The following FUT8 variants were observed in gnomAD, a reference collection of about 807,000 sequenced individuals.
FUT8 encodes the protein fucosyltransferase 8.
A neutral mutation model predicts 71.3 loss-of-function variants in FUT8; 29 were observed. The ratio of observed to expected loss-of-function variants is 0.41; its 90% CI spans 0.30 to 0.55. The LOEUF (loss-of-function observed/expected upper bound fraction) is 0.55. Among genes scored for constraint, FUT8 ranks in the 20% least tolerant of loss-of-function variants. The pLI is 0.34. For missense variants in FUT8, 544 were observed against 702.1 expected (o/e 0.77, Z 2.55); for synonymous variants, 254 against 239.3 (o/e 1.06, Z -0.57).
chr14:65,402,332 C>A, the FUT8 span, among the ~76,000 whole-genome samples: 5 of 149,818 alleles, frequency 3.3e-5, no homozygotes, highest in African/African-American at 1.2e-4. Context: ...TACAAAGTAG[C>A]TAGGACCACA....
At chr14:65,477,652 T>G (rs2066266330) in intron 2 of FUT8, among the ~76,000 whole-genome samples, 1 of 152,142 alleles carries the variant, frequency 6.6e-6, no homozygotes, top group African/African-American at 2.4e-5. Flanking sequence ...TGTTAAACAG[T>G]AGTACAGAGG....
At chr14:65,539,112 G>A (rs1190062379) in intron 2 of FUT8, among the ~76,000 whole-genome samples, 1 of 152,146 alleles carries the variant, frequency 6.6e-6, no homozygotes, top group Non-Finnish European at 1.5e-5. Flanking sequence ...TCGATACATG[G>A]TAGTCACTAC....
intron 3 of FUT8, among the ~76,000 whole-genome samples, chr14:65,580,098 A>G (rs6573616): frequency 0.69 from 102,177 of 147,508 alleles, 35,728 homozygotes; most frequent in East Asian, 0.89. Flanking sequence ...ATAGTCATGC[A>G]TTGCTTAAGG....
chr14:65,636,078 T>G (rs1463731323), intron 6 of FUT8, among the ~76,000 whole-genome samples: 1 of 152,130 alleles, frequency 6.6e-6, no homozygotes. Flanking sequence ...AGGGTTGTAT[T>G]TTTCCAGGAA....
At chr14:65,513,707 T>C (rs1882516027) in intron 2 of FUT8, among the ~76,000 whole-genome samples, 1 of 151,272 alleles carries the variant, frequency 6.6e-6, no homozygotes, top group Non-Finnish European at 1.5e-5. Flanking sequence ...CCATGAGATC[T>C]GTGGAGGAAG....
In FUT8 at chr14:65,643,676, A is replaced by G; in HGVS notation, c.597+14070A>G. Among the ~76,000 whole-genome samples, 1 of 78,532 alleles carries G rather than the reference A, an allele frequency of 1.3e-5. No homozygotes were observed. The highest frequency in any genetic ancestry group is 1.4e-4 in the Admixed American group (1 of 7,328). 51.5% of individuals were successfully genotyped at this position (78,532 alleles called of 152,430 possible). On this transcript the variant is annotated intron_variant, in intron 6 of 10. Transcript: ENST00000673929. This position sits in a 1 kb window ranked among gnomAD's most constrained non-coding sequence, Gnocchi z 4.5. ...CTTTAAAAAAAAAATACACACACAC[A>G]CACACACACACACACACACACACAC...
chr14:65,685,418 C>T (rs568278748), intron 7 of FUT8, among the ~76,000 whole-genome samples: 1 of 152,266 alleles, frequency 6.6e-6, no homozygotes, highest in South Asian at 2.1e-4. Flanking sequence ...AATTTTCCTT[C>T]ACTTTGGACA....
intron 1 of FUT8, among the ~76,000 whole-genome samples, chr14:65,421,369 G>C (rs1332772699): frequency 2.6e-5 from 4 of 152,142 alleles, no homozygotes; most frequent in Non-Finnish European, 5.9e-5. Context: ...GAGGTGGAAG[G>C]GGGAAGGGGA....
the FUT8 span, among the ~76,000 whole-genome samples, chr14:65,357,227 A>C: frequency 6.6e-6 from 1 of 152,256 alleles, no homozygotes; most frequent in South Asian, 2.1e-4. Flanking sequence ...CTTGTCACAT[A>C]GCAAGTATTA....
At chr14:65,368,457 C>T in the FUT8 span, among the ~76,000 whole-genome samples, 1 of 133,596 alleles carries the variant, frequency 7.5e-6, no homozygotes. Flanking sequence ...TCTCCTGCCT[C>T]GGCCTCTTGA....
chr14:65,730,603 C>T (rs982795378), intron 9 of FUT8, among the ~76,000 whole-genome samples: 6 of 151,966 alleles, frequency 3.9e-5, no homozygotes, highest in South Asian at 4.1e-4. Context: ...ACCCGGGAGG[C>T]GGAGGTTGCA....
At chr14:65,373,801 G>C in the FUT8 span, among the ~76,000 whole-genome samples, 9,561 of 152,252 alleles carry the variant, frequency 0.063, 565 homozygotes, top group East Asian at 0.19. Flanking sequence ...TGCGCCAAAA[G>C]CCAGTTGTAG....
chr14:65,683,573 C>T (rs1375290704), intron 7 of FUT8, among the ~76,000 whole-genome samples: 1 of 152,020 alleles, frequency 6.6e-6, no homozygotes, highest in Non-Finnish European at 1.5e-5. Flanking sequence ...ATAAAGCACA[C>T]AGAAAAATAT....
At chr14:65,398,374 T>TA in the FUT8 span, among the ~76,000 whole-genome samples, 3 of 152,098 alleles carry the variant, frequency 2.0e-5, no homozygotes, top group African/African-American at 4.8e-5. Flanking sequence ...CTCTGCTTAT[T>TA]AAAAAAATTA....
At chr14:65,624,932 G>A (rs1304780743) in intron 5 of FUT8, among the ~76,000 whole-genome samples, 1 of 152,192 alleles carries the variant, frequency 6.6e-6, no homozygotes, top group Non-Finnish European at 1.5e-5. Flanking sequence ...CGGGTGTGGT[G>A]GTGCATGCCT....
intron 2 of FUT8, among the ~76,000 whole-genome samples, chr14:65,474,340 C>T (rs1275074695): frequency 1.3e-5 from 2 of 150,542 alleles, no homozygotes; most frequent in South Asian, 2.1e-4. Flanking sequence ...GGTTGGTTCA[C>T]GCCTGTAATC....
At chr14:65,379,642 C>T in the FUT8 span, among the ~76,000 whole-genome samples, 19 of 152,118 alleles carry the variant, frequency 1.2e-4, no homozygotes, top group Non-Finnish European at 1.3e-4. Flanking sequence ...CACTGCATGC[C>T]GTTCTGGGTT....
intron 1 of FUT8, among the ~76,000 whole-genome samples, chr14:65,436,342 T>C (rs2065558795): frequency 6.6e-6 from 1 of 152,088 alleles, no homozygotes; most frequent in South Asian, 2.1e-4. Context: ...TAAAAAACAA[T>C]GATAGTGGCC....
intron 2 of FUT8, among the ~76,000 whole-genome samples, chr14:65,545,261 T>TA (rs1884921442): frequency 6.6e-6 from 1 of 152,016 alleles, no homozygotes; most frequent in Admixed American, 6.6e-5. Flanking sequence ...AATATTTAGT[T>TA]AAAAAATGAA....
Sources: gnomAD v4.1 joint callset for allele counts (sites outside exome capture counted in the v4.1 genomes callset) on GRCh38, gnomAD v4.1.1 for gene constraint, Gnocchi (gnomAD v3.1) non-coding constraint, MANE v1.5 for transcripts, NCBI Gene and HGNC (gene_info 2026-07-23, HGNC 2026-07-21) for gene names.